The following CDH23 variants were observed in gnomAD, a reference collection of about 807,000 sequenced individuals.
The protein encoded by CDH23 is cadherin related 23.
A neutral mutation model predicts 317.1 loss-of-function variants in CDH23; 189 were observed. The ratio of observed to expected loss-of-function variants is 0.60; its 90% CI spans 0.53 to 0.67. The LOEUF is 0.67. Among genes scored for constraint, CDH23 ranks in the 30% least tolerant of loss-of-function variants. The probability of loss-of-function intolerance (pLI) is 0.00; values close to 1 mark genes in which losing one functional copy is unlikely to be tolerated. For synonymous variants in CDH23, 1,839 were observed against 1,876.8 expected, an observed-to-expected ratio of 0.98 and a Z score of 0.52; for missense variants, 4,401 against 4,592.4, an observed-to-expected ratio of 0.96 and a Z score of 1.20.
chr10:71,727,133 C>T (rs1425847183), intron 30 of CDH23, among the ~76,000 whole-genome samples: 1 of 152,228 alleles, frequency 6.6e-6, no homozygotes, highest in Non-Finnish European at 1.5e-5. Context: ...CCGTAACCCT[C>T]ATAATAGCCT....
rs753749382 is a variant in CDH23, at chr10:71,511,232, C to T, written c.429+20C>T. 6 of 1,605,010 alleles carry T rather than the reference C, an allele frequency of 3.7e-6. No individual in the cohort carries two copies. The highest frequency in any genetic ancestry group is 5.1e-6 in the Non-Finnish European group (6 of 1,171,954). ...CCTGAGGTAGGAGCCACTGGGGTTA[C>T]CCTTGAGGGTATCAGAGACCTGCTG... On this transcript the variant is annotated intron_variant, in intron 6 of 69. Coordinates refer to ENST00000224721, the MANE Select transcript of CDH23 (RefSeq NM_022124.6).
In CDH23 at chr10:71,712,580, C is replaced by A. The variant is rs541674784; in HGVS notation, c.3221-85C>A. 3.3e-6 allele frequency: 5 copies of A among 1,506,908 alleles called. No individual in the cohort carries two copies. In the African/African-American group the frequency reaches 6.9e-5, roughly 21 times the overall value. The allele number at this position is 1,506,908 out of a possible 1,614,324, so 93.3% of individuals were successfully genotyped here. A position where few individuals can be genotyped will look rare whatever the true frequency, so the allele number is the denominator to read the frequency against. ...GGGCGGAACAGGGCACCTCTCTGGC[C>A]GGTGCCCGGGAGTGTGCAAAGTCAC... On this transcript the variant is annotated intron_variant, in intron 27 of 69. Coordinates refer to ENST00000224721, the MANE Select transcript of CDH23 (RefSeq NM_022124.6).
At position 71,561,045 on chromosome 10, in the gene CDH23, TTC is replaced by T. The variant is rs1177581813; in HGVS notation, c.430-5686_430-5685del. Among the ~76,000 whole-genome samples, 9 of 151,348 alleles carry T rather than the reference TTC, an allele frequency of 5.9e-5. No homozygotes were observed. In the East Asian group the frequency reaches 1.8e-3, roughly 30 times the overall value. ...GGTGAGAGGGTGTGGCGTCCTTCTT[TTC>T]TCTCTCTCTCCTATCTTCCTTTCTC... On this transcript the variant is annotated intron_variant, in intron 6 of 69. Transcript: ENST00000224721.
intron 9 of CDH23, among the ~76,000 whole-genome samples, chr10:71,601,207 A>G (rs1297577055): frequency 2.6e-5 from 4 of 152,200 alleles, no homozygotes; most frequent in African/African-American, 9.7e-5. Context: ...GAGGAGTAGG[A>G]GAAGGAATAT....
intron 1 of CDH23, among the ~76,000 whole-genome samples, chr10:71,432,736 G>A (rs372095631): frequency 2.0e-5 from 3 of 152,274 alleles, no homozygotes; most frequent in African/African-American, 4.8e-5. Context: ...GGAGCAATCC[G>A]ACCTCCTCGC....
intron 9 of CDH23, among the ~76,000 whole-genome samples, chr10:71,590,983 A>G (rs904147612): frequency 1.3e-5 from 2 of 151,926 alleles, no homozygotes; most frequent in Non-Finnish European, 2.9e-5. Flanking sequence ...TTAATGTGCC[A>G]GCTTCCACAT....
intron 2 of CDH23, among the ~76,000 whole-genome samples, chr10:71,445,827 G>A (rs1347302662): frequency 1.7e-5 from 2 of 119,020 alleles, no homozygotes; most frequent in Non-Finnish European, 3.3e-5. Flanking sequence ...CAGCCTGGGT[G>A]ACAGAGTGAG....
intron 66 of CDH23, 102 bp downstream of exon 66, chr10:71,812,117 G>A (rs1841950442): frequency 1.2e-6 from 2 of 1,605,926 alleles, no homozygotes; most frequent in African/African-American, 2.7e-5. Flanking sequence ...CCGAAACCCA[G>A]GCTGTGGGCG....
chr10:71,404,898 C>T (rs1848025813), intron 1 of CDH23, among the ~76,000 whole-genome samples: 1 of 152,188 alleles, frequency 6.6e-6, no homozygotes, highest in Non-Finnish European at 1.5e-5. Context: ...TGACAAGGGC[C>T]ATGCACACCA....
rs368317741 is a variant in CDH23, at chr10:71,809,834, A to C, written c.8737A>C (p.Ile2913Leu). ...QVFTMGSMDG[I>L]LRTFDLFMAY... ...GCTTCCTGCAGGGAGCATGGACGGC[A>C]TTCTGCGCACCTTCGACCTCTTCAT... The change falls in exon 61 of 70, where the codon ATT (isoleucine) becomes CTT (leucine). Residue 2913 changes from isoleucine to leucine, a missense_variant. Ile to Leu is a conservative substitution (Grantham distance 5, BLOSUM62 2). Coordinates refer to ENST00000224721, the MANE Select transcript of CDH23 (RefSeq NM_022124.6). 12 of 1,612,582 alleles carry C rather than the reference A, an allele frequency of 7.4e-6. No individual in the cohort carries two copies. Among genetic ancestry groups the C allele is most frequent in the Non-Finnish European group, 1.0e-5 (12 of 1,179,402 alleles).
chr10:71,633,230 A>G (rs1862100396), intron 11 of CDH23, among the ~76,000 whole-genome samples: 1 of 151,948 alleles, frequency 6.6e-6, no homozygotes, highest in African/African-American at 2.4e-5. Context: ...TTAAATTTCA[A>G]CGTGAATTTT....
intron 6 of CDH23, among the ~76,000 whole-genome samples, chr10:71,538,683 G>T (rs574705752): frequency 6.6e-6 from 1 of 152,276 alleles, no homozygotes; most frequent in East Asian, 1.9e-4. Context: ...CTTGTCCATG[G>T]ATACAGCGTG....
At chr10:71,606,835 A>G (rs531127566) in intron 9 of CDH23, among the ~76,000 whole-genome samples, 1 of 152,296 alleles carries the variant, frequency 6.6e-6, no homozygotes, top group African/African-American at 2.4e-5. Flanking sequence ...ACCTGCAGGA[A>G]GAGGCTCCAG....
chr10:71,616,166 G>C (rs546769082), intron 10 of CDH23, among the ~76,000 whole-genome samples: 30 of 152,350 alleles, frequency 2.0e-4, no homozygotes, highest in Admixed American at 1.8e-3. Context: ...TCAGTGACTT[G>C]CAGAGCCATT....
intron 1 of CDH23, among the ~76,000 whole-genome samples, chr10:71,424,734 G>C (rs1848977119): frequency 6.6e-6 from 1 of 152,250 alleles, no homozygotes. Flanking sequence ...CTCTGGGCAG[G>C]CTGGGGGGAA....
chr10:71,786,627 A>T (rs1841115705), intron 44 of CDH23, among the ~76,000 whole-genome samples: 1 of 151,310 alleles, frequency 6.6e-6, no homozygotes, highest in South Asian at 2.1e-4. Flanking sequence ...TCTCCCGAGT[A>T]GCTAGGATTA....
At chr10:71,648,937 G>A (rs1191546350) in intron 14 of CDH23, among the ~76,000 whole-genome samples, 2 of 152,220 alleles carry the variant, frequency 1.3e-5, no homozygotes, top group Non-Finnish European at 2.9e-5. Context: ...GCCTAAAGGA[G>A]TTCAGGCCCT....
chr10:71,556,585 CAAA>C (rs61508146), intron 6 of CDH23, among the ~76,000 whole-genome samples: 1 of 121,792 alleles, frequency 8.2e-6, no homozygotes, highest in Admixed American at 8.2e-5. Context: ...GACTCGGTCT[CAAA>C]AAAAAAAAAG....
chr10:71,546,165 GC>G (rs1347791407), intron 6 of CDH23, among the ~76,000 whole-genome samples: 1 of 151,744 alleles, frequency 6.6e-6, no homozygotes, highest in African/African-American at 2.4e-5. Context: ...TTGTCTCAAA[GC>G]CCCTCCGCCT....
Sources: gnomAD v4.1 joint callset for allele counts (sites outside exome capture counted in the v4.1 genomes callset) on GRCh38, gnomAD v4.1.1 for gene constraint, MANE v1.5 for transcripts, NCBI Gene and HGNC (gene_info 2026-07-23, HGNC 2026-07-21) for gene names.